CABCOCO1: variants seen among roughly 807,000 people sequenced by gnomAD.
The protein encoded by CABCOCO1 is ciliary-associated calcium-binding coiled-coil protein 1.
A neutral mutation model predicts 35.7 loss-of-function variants in CABCOCO1; 28 were observed. That is an observed-to-expected ratio of 0.78 (90% CI 0.58 to 1.07). The LOEUF (loss-of-function observed/expected upper bound fraction) is 1.07, where lower values mean the gene tolerates loss of function less well. Ranked by LOEUF, CABCOCO1 falls within the 50% of genes least tolerant of loss-of-function variation. The pLI is 0.00. For missense variants in CABCOCO1, 326 were observed against 309.2 expected (o/e 1.05, Z -0.41); for synonymous variants, 95 against 100.1 (o/e 0.95, Z 0.30).
chr10:61,756,442 A>G (rs908705281), intron 5 of CABCOCO1, among the ~76,000 whole-genome samples: 5 of 152,074 alleles, frequency 3.3e-5, no homozygotes, highest in African/African-American at 1.2e-4. Flanking sequence ...CTTCTTTATT[A>G]GAGCTTTTAA....
intron 5 of CABCOCO1, among the ~76,000 whole-genome samples, chr10:61,705,006 T>C (rs1162021343): frequency 6.6e-6 from 1 of 152,176 alleles, no homozygotes; most frequent in Admixed American, 6.5e-5. Context: ...TATCTGTTCA[T>C]AGTATAAGCA....
intron 1 of CABCOCO1, among the ~76,000 whole-genome samples, chr10:61,670,737 T>C (rs1473830779): frequency 6.6e-6 from 1 of 152,216 alleles, no homozygotes; most frequent in Non-Finnish European, 1.5e-5. Context: ...TAATTTTTTA[T>C]TTTTGTGTAG....
intron 2 of CABCOCO1, among the ~76,000 whole-genome samples, chr10:61,675,375 A>T (rs1839482709): frequency 1.3e-5 from 2 of 152,222 alleles, no homozygotes; most frequent in Admixed American, 1.3e-4. Flanking sequence ...AAGAATGGAA[A>T]TGATAAATCC....
At chr10:61,680,554 TAA>T (rs67665935) in intron 2 of CABCOCO1, among the ~76,000 whole-genome samples, 2,123 of 114,230 alleles carry the variant, frequency 0.019, 2 homozygotes, top group African/African-American at 0.051. Flanking sequence ...ATATAACATA[TAA>T]TATATATTTG....
chr10:61,742,908 G>T (rs1202531796), intron 5 of CABCOCO1, among the ~76,000 whole-genome samples: 1 of 152,110 alleles, frequency 6.6e-6, no homozygotes, highest in Non-Finnish European at 1.5e-5. Flanking sequence ...GGGACTAAAA[G>T]GCACTGTGAG....
chr10:61,681,379 C>A, intron 3 of CABCOCO1, 67 bp downstream of exon 3: 1 of 1,190,546 alleles, frequency 8.4e-7, no homozygotes, highest in Non-Finnish European at 1.2e-6. Context: ...GGTTCTTAAG[C>A]AAAAGTTACA....
At chr10:61,717,423 A>T (rs1840893896) in intron 5 of CABCOCO1, among the ~76,000 whole-genome samples, 2 of 152,160 alleles carry the variant, frequency 1.3e-5, no homozygotes, top group African/African-American at 2.4e-5. Flanking sequence ...TTAATATAAT[A>T]TTAACATCTT....
intron 5 of CABCOCO1, among the ~76,000 whole-genome samples, chr10:61,752,759 A>G (rs1022777381): frequency 1.4e-4 from 22 of 151,952 alleles, no homozygotes; most frequent in African/African-American, 4.6e-4. Context: ...TAAAGATTTC[A>G]TAGCACTTTA....
Position 61,761,668 on chromosome 10 carries a change from T to C in CABCOCO1, c.816+665T>C, listed in dbSNP as rs983492195. Among the ~76,000 whole-genome samples, 20 of 152,118 alleles carry C rather than the reference T, an allele frequency of 1.3e-4. 1 individual carries two copies. The highest frequency in any genetic ancestry group is 1.1e-3 in the Admixed American group (17 of 15,248). ...ATGATTAAATAAGTAAAATGTATAT[T>C]TTGAGTACATTTGCAATTTATTTAG... On this transcript the variant is annotated intron_variant, in intron 7 of 7. Coordinates refer to ENST00000648843, the MANE Select transcript of CABCOCO1 (RefSeq NM_001366906.2).
rs1346186486 is a variant in CABCOCO1 at position 61,680,469 on chromosome 10, T to C, written c.165-674T>C. On this transcript the variant is annotated intron_variant, in intron 2 of 7. Transcript: ENST00000648843. ...TATATTTTATATATAACATATATAA[T>C]ATATATTTATATATATAACATATTA... Among the ~76,000 whole-genome samples the C allele has an allele frequency of 1.0e-4, 12 of 118,042 alleles. No individual in the cohort carries two copies. In the East Asian group the frequency reaches 3.0e-3, roughly 29 times the overall value. 77.4% of individuals were successfully genotyped at this position (118,042 alleles called of 152,430 possible).
chr10:61,765,382 T>C (rs1053885245), intron 7 of CABCOCO1, among the ~76,000 whole-genome samples: 6 of 151,930 alleles, frequency 3.9e-5, no homozygotes, highest in Non-Finnish European at 7.3e-5. Flanking sequence ...GAGCAATTGC[T>C]TACTTTTTTT....
At chr10:61,749,806 CTGAGT>C (rs1589153758) in intron 5 of CABCOCO1, among the ~76,000 whole-genome samples, 1 of 152,122 alleles carries the variant, frequency 6.6e-6, no homozygotes, top group African/African-American at 2.4e-5. Flanking sequence ...GGGGCATTGG[CTGAGT>C]TATTTAACCT....
intron 5 of CABCOCO1, among the ~76,000 whole-genome samples, chr10:61,720,638 G>C (rs772793148): frequency 1.1e-4 from 16 of 152,164 alleles, no homozygotes; most frequent in Non-Finnish European, 2.1e-4. Flanking sequence ...ACTAATTGGT[G>C]TAAAACGGTA....
intron 4 of CABCOCO1, among the ~76,000 whole-genome samples, chr10:61,687,504 GTT>G: frequency 6.6e-6 from 1 of 152,246 alleles, no homozygotes; most frequent in Middle Eastern, 3.4e-3. Context: ...AGCCCAGGAG[GTT>G]TCTAATGGGC....
In CABCOCO1 at chr10:61,686,081, A is replaced by G; in HGVS notation, c.375A>G (p.Gly125=). 3 of 1,608,242 alleles carry G rather than the reference A, an allele frequency of 1.9e-6. No individual in the cohort carries two copies. Among genetic ancestry groups the G allele is most frequent in the Non-Finnish European group, 2.5e-6 (3 of 1,178,564 alleles). The change falls in exon 4 of 8, where the codon GGA becomes GGG. Residue 125 remains glycine, a synonymous_variant. Transcript: ENST00000648843. ...MSLEESIKWL[G]EVMAEIGPTH... ...TAGAGGAAAGCATAAAATGGCTTGG[A>G]GAAGTTATGGCTGAAATAGGACCAA...
intron 5 of CABCOCO1, among the ~76,000 whole-genome samples, chr10:61,720,271 GTAAAAAA>G (rs1840970941): frequency 8.2e-6 from 1 of 121,936 alleles, no homozygotes; most frequent in South Asian, 2.7e-4. Context: ...AAAGGAAGAG[GTAAAAAA>G]TAAAAAATAA....
chr10:61,687,336 G>A (rs555685911), intron 4 of CABCOCO1, among the ~76,000 whole-genome samples: 10 of 152,284 alleles, frequency 6.6e-5, no homozygotes, highest in Non-Finnish European at 1.0e-4. Context: ...CAAAATTGGA[G>A]GAGAGCCTAT....
rs181095712 is a variant in CABCOCO1 at position 61,670,616 on chromosome 10, C to T, written c.61-2016C>T. Among the ~76,000 whole-genome samples the T allele has an allele frequency of 1.7e-3, 253 of 152,250 alleles. 1 individual carries two copies. Among genetic ancestry groups the T allele is most frequent in the African/African-American group, 5.7e-3 (235 of 41,536 alleles). On this transcript the variant is annotated intron_variant, in intron 1 of 7. Transcript: ENST00000648843. ...TTTGGTATGTTATCTGGTAAACTAC[C>T]GCAAGGCAGTTTTTTTGCTGCCCTT...
At chr10:61,711,872 A>C (rs1840740020) in intron 5 of CABCOCO1, among the ~76,000 whole-genome samples, 1 of 152,078 alleles carries the variant, frequency 6.6e-6, no homozygotes, top group South Asian at 2.1e-4. Context: ...GAAATAAAAA[A>C]GGAATTTAAA....
Sources: allele counts gnomAD v4.1 joint callset (sites outside exome capture counted in the v4.1 genomes callset), GRCh38; gene constraint gnomAD v4.1.1; transcripts MANE v1.5; gene names NCBI Gene and HGNC (gene_info 2026-07-23, HGNC 2026-07-21).